The following RBFOX1 variants were observed in gnomAD, a reference collection of about 807,000 sequenced individuals.
RBFOX1 encodes the protein RNA binding fox-1 homolog 1.
RBFOX1 carries 8 observed loss-of-function variants against 57.7 expected under a neutral mutation model. The ratio of observed to expected loss-of-function variants is 0.14; its 90% CI spans 0.08 to 0.25. The LOEUF (loss-of-function observed/expected upper bound fraction) is 0.25, where lower values mean the gene tolerates loss of function less well. Ranked by LOEUF, RBFOX1 falls within the 10% of genes least tolerant of loss-of-function variation. The probability of loss-of-function intolerance (pLI) is 1.00; values close to 1 mark genes in which losing one functional copy is unlikely to be tolerated. For missense variants in RBFOX1, 611 were observed against 548.5 expected, an observed-to-expected ratio of 1.11 and a Z score of -1.14; for synonymous variants, 326 against 222.4, an observed-to-expected ratio of 1.47 and a Z score of -4.15.
At chr16:6,242,697 C>A (rs62015136) in intron 1 of RBFOX1, among the ~76,000 whole-genome samples, 18,535 of 150,460 alleles carry the variant, frequency 0.12, 1,239 homozygotes, top group Middle Eastern at 0.25. Flanking sequence ...TTTCATTCTC[C>A]TTCAAGTATT....
intron 2 of RBFOX1, among the ~76,000 whole-genome samples, chr16:6,641,778 A>AAAAAAAAAAAAAAAAAAAG (rs1568006199): frequency 6.3e-5 from 2 of 31,786 alleles, no homozygotes; most frequent in Non-Finnish European, 1.2e-4. Context: ...AAAAAAAAAA[A>AAAAAAAAAAAAAAAAAAAG]TAGGTTCTGC....
intron 3 of RBFOX1, among the ~76,000 whole-genome samples, chr16:5,851,336 C>G (rs139482269): frequency 6.6e-6 from 1 of 152,264 alleles, no homozygotes; most frequent in Non-Finnish European, 1.5e-5. Context: ...CCTGCAAAGG[C>G]CACACTGGAG....
At position 6,616,395 on chromosome 16, in the gene RBFOX1, G is replaced by C. The variant is rs1481603994; in HGVS notation, c.-63-38208G>C. On this transcript the variant is annotated intron_variant, in intron 2 of 15. Coordinates refer to ENST00000550418, the MANE Select transcript of RBFOX1 (RefSeq NM_018723.4). ...AAAAATGTTTGGTTTTTTTTTTTTTGGCCAGGCGTGATGGCTCACGCCTGT... is the reference window on the plus strand; with the variant it reads ...AAAAATGTTTGGTTTTTTTTTTTTTCGCCAGGCGTGATGGCTCACGCCTGT... Among the ~76,000 whole-genome samples, 4 of 142,286 alleles carry C rather than the reference G, an allele frequency of 2.8e-5. No individual in the cohort carries two copies. The South Asian group carries it at 9.0e-4, about 32-fold the overall frequency. 93.3% of individuals were successfully genotyped at this position (142,286 alleles called of 152,430 possible). A position where few individuals can be genotyped will look rare whatever the true frequency, so the allele number is the denominator to read the frequency against.
intron 3 of RBFOX1, among the ~76,000 whole-genome samples, chr16:6,772,046 A>T (rs1306003544): frequency 6.6e-6 from 1 of 152,178 alleles, no homozygotes; most frequent in Non-Finnish European, 1.5e-5. Flanking sequence ...TGCTCTAGGA[A>T]AACTATGAGG....
At chr16:7,449,603 A>C (rs1283975438) in intron 4 of RBFOX1, among the ~76,000 whole-genome samples, 1 of 151,336 alleles carries the variant, frequency 6.6e-6, no homozygotes, top group Non-Finnish European at 1.5e-5. Flanking sequence ...TGAAATCTCT[A>C]CTCAATTCAA....
chr16:7,006,159 T>G (rs2093280437), intron 3 of RBFOX1, among the ~76,000 whole-genome samples: 1 of 152,100 alleles, frequency 6.6e-6, no homozygotes, highest in African/African-American at 2.4e-5. Flanking sequence ...TTTATTTATT[T>G]ATTTTTTTTT....
At chr16:6,494,738 A>G (rs2095717808) in intron 2 of RBFOX1, among the ~76,000 whole-genome samples, 1 of 152,258 alleles carries the variant, frequency 6.6e-6, no homozygotes, top group Non-Finnish European at 1.5e-5. Flanking sequence ...ATTATGGAAC[A>G]CATCAATATG....
Position 6,656,892 on chromosome 16 carries a change from CCTCCCCTCAA to C in RBFOX1, c.-16+2246_-16+2255del, listed in dbSNP as rs145009262. ...CAAGGTAACTCCTCTCCTCTCCTCT[CCTCCCCTCAA>C]CTCTCCTCTCCTCCCCTCTCCTCTC... On this transcript the variant is annotated intron_variant, in intron 3 of 15. Coordinates refer to ENST00000550418, the MANE Select transcript of RBFOX1 (RefSeq NM_018723.4). 2.3e-3 allele frequency among the ~76,000 whole-genome samples: 328 copies of C among 144,800 alleles called. 1 individual carries two copies. Among genetic ancestry groups the C allele is most frequent in the African/African-American group, 5.6e-3 (209 of 37,448 alleles). The allele number at this position is 144,800 out of a possible 152,430, so 95.0% of individuals were successfully genotyped here.
At chr16:5,785,113 C>T (rs114855663) in intron 3 of RBFOX1, among the ~76,000 whole-genome samples, 29 of 152,252 alleles carry the variant, frequency 1.9e-4, no homozygotes, top group African/African-American at 5.5e-4. Context: ...TTACCTTCCA[C>T]GGATTTATTT....
At chr16:6,765,104 G>A (rs181269256) in intron 3 of RBFOX1, among the ~76,000 whole-genome samples, 15 of 152,176 alleles carry the variant, frequency 9.9e-5, no homozygotes. Context: ...GGGGAAGCGT[G>A]CTCTAGGCTG....
chr16:6,498,542 G>T (rs1000211900), intron 2 of RBFOX1, among the ~76,000 whole-genome samples: 3 of 152,084 alleles, frequency 2.0e-5, no homozygotes, highest in Non-Finnish European at 4.4e-5. Flanking sequence ...TTGCCTGCAG[G>T]TGTTCCTCTC....
intron 2 of RBFOX1, among the ~76,000 whole-genome samples, chr16:6,517,472 A>T (rs1479626810): frequency 6.6e-6 from 1 of 152,090 alleles, no homozygotes; most frequent in Non-Finnish European, 1.5e-5. Context: ...CATTTCTGAT[A>T]CCAGTGTCTC....
chr16:6,717,058 T>G (rs1480769495), intron 3 of RBFOX1, among the ~76,000 whole-genome samples: 2 of 152,192 alleles, frequency 1.3e-5, no homozygotes, highest in Non-Finnish European at 2.9e-5. Flanking sequence ...AAGGCTGCCA[T>G]GTGCAAACCA....
At position 7,080,800 on chromosome 16, in the gene RBFOX1, A is replaced by G. The variant is rs143594019; in HGVS notation, c.27+28702A>G. ...ATCATTCATTGCGTGGAAGACCACA[A>G]CAAACTCTTGACTGGCCTTTTCGCT... On this transcript the variant is annotated intron_variant, in intron 4 of 15. Coordinates refer to ENST00000550418, the MANE Select transcript of RBFOX1 (RefSeq NM_018723.4). 2.9e-4 allele frequency among the ~76,000 whole-genome samples: 44 copies of G among 152,326 alleles called. 1 individual carries two copies. The highest frequency in any genetic ancestry group is 5.7e-4 in the Non-Finnish European group (39 of 68,028).
chr16:6,834,110 G>C lies in RBFOX1; in HGVS notation c.-16+179460G>C, dbSNP rs7189841. ...GGCGGAGTCTCCCTCTTTCGCCCGG[G>C]CTGGTGTGCAGTGGTGTGATCTCAT... On this transcript the variant is annotated intron_variant, in intron 3 of 15. Transcript: ENST00000550418. Among the ~76,000 whole-genome samples the C allele has an allele frequency of 5.3e-3, 799 of 151,968 alleles. 15 individuals carry two copies. The highest frequency in any genetic ancestry group is 0.019 in the African/African-American group (776 of 41,434).
intron 4 of RBFOX1, among the ~76,000 whole-genome samples, chr16:7,068,785 C>T (rs2056713849): frequency 6.6e-6 from 1 of 152,114 alleles, no homozygotes; most frequent in Non-Finnish European, 1.5e-5. Context: ...GATGGAGTTT[C>T]ACCATGTTGG....
chr16:5,500,468 C>A (rs140485078), intron 2 of RBFOX1, among the ~76,000 whole-genome samples: 2 of 151,960 alleles, frequency 1.3e-5, no homozygotes, highest in Non-Finnish European at 2.9e-5. Flanking sequence ...GCAATCGTCC[C>A]GCCTCCACCT....
chr16:5,681,736 G>A (rs371473484), intron 3 of RBFOX1, among the ~76,000 whole-genome samples: 2 of 152,212 alleles, frequency 1.3e-5, no homozygotes, highest in East Asian at 3.9e-4. Context: ...TTGACGTAAT[G>A]CAAAGAACGA....
At chr16:7,404,254 T>C (rs955721676) in intron 4 of RBFOX1, among the ~76,000 whole-genome samples, 1 of 151,992 alleles carries the variant, frequency 6.6e-6, no homozygotes, top group Admixed American at 6.6e-5. Flanking sequence ...GGTTTCACCA[T>C]GTTAGTCAGG....
Sources: gnomAD v4.1 joint callset for allele counts (sites outside exome capture counted in the v4.1 genomes callset) on GRCh38, gnomAD v4.1.1 for gene constraint, MANE v1.5 for transcripts, NCBI Gene and HGNC (gene_info 2026-07-23, HGNC 2026-07-21) for gene names.